Variants in TUSC3 observed in about 807,000 individuals in gnomAD.
TUSC3 encodes the protein dolichyl-diphosphooligosaccharide--protein glycosyltransferase subunit TUSC3.
TUSC3 carries 45 observed loss-of-function variants against 44.8 expected under a neutral mutation model. The observed-to-expected ratio is 1.00, with a 90% CI of 0.79 to 1.29. The LOEUF is 1.29. Ranked by LOEUF, TUSC3 falls within the 50% of genes most tolerant of loss-of-function variation. The probability of loss-of-function intolerance (pLI) is 0.00; values close to 1 mark genes in which losing one functional copy is unlikely to be tolerated. For synonymous variants in TUSC3, 212 were observed against 152.9 expected, an observed-to-expected ratio of 1.39 and a Z score of -2.85; for missense variants, 519 against 437.9, an observed-to-expected ratio of 1.19 and a Z score of -1.65.
upstream of TUSC3, among the ~76,000 whole-genome samples, chr8:15,537,551 C>T (rs973814127): frequency 3.3e-5 from 5 of 152,130 alleles, no homozygotes; most frequent in African/African-American, 1.2e-4. Context: ...CAACCTAAGT[C>T]AGGGAAGGAG....
intron 1 of TUSC3, among the ~76,000 whole-genome samples, chr8:15,572,247 G>A (rs1166253657): frequency 6.6e-6 from 1 of 152,162 alleles, no homozygotes; most frequent in Non-Finnish European, 1.5e-5. Context: ...GCTTCTTGCA[G>A]CATAAACACT....
intron 1 of TUSC3, 76 bp downstream of exon 1, chr8:15,540,644 C>G (rs1377765220): frequency 1.2e-5 from 17 of 1,440,832 alleles, no homozygotes; most frequent in Middle Eastern, 2.1e-4. Flanking sequence ...GCAGCCCTGC[C>G]GTGTTGCTAG....
chr8:15,483,881 T>C (rs372702322), intron 2 of TUSC3, among the ~76,000 whole-genome samples: 2 of 150,866 alleles, frequency 1.3e-5, no homozygotes, highest in South Asian at 2.1e-4. Context: ...GTGGTCTCGA[T>C]CTCCTGACCT....
chr8:15,813,542 G>T, the TUSC3 span, among the ~76,000 whole-genome samples: 1 of 151,932 alleles, frequency 6.6e-6, no homozygotes, highest in Non-Finnish European at 1.5e-5. Flanking sequence ...TGACAGCAAT[G>T]GGAAGATACT....
the TUSC3 span, among the ~76,000 whole-genome samples, chr8:15,802,288 T>A: frequency 6.6e-6 from 1 of 152,248 alleles, no homozygotes; most frequent in African/African-American, 2.4e-5. Context: ...ACATGCCTTC[T>A]TTCTTGTCAA....
chr8:15,748,476 T>C lies in TUSC3; in HGVS notation c.1028+11T>C, dbSNP rs187670751. On this transcript the variant is annotated intron_variant, in intron 9 of 10. Transcript: ENST00000503731. ...CGGCTATCCTTATAGGTAATATCTT[T>C]ATACTAACATGAATGTTTTTATTTT... 2.6e-4 allele frequency: 401 copies of C among 1,560,824 alleles called. 3 individuals are homozygous for C. The East Asian group carries it at 7.5e-3, about 29-fold the overall frequency.
chr8:15,654,445 T>G (rs1481988803), intron 3 of TUSC3, among the ~76,000 whole-genome samples: 1 of 152,150 alleles, frequency 6.6e-6, no homozygotes, highest in Non-Finnish European at 1.5e-5. Context: ...TCACACTTAT[T>G]AGATACATTA....
chr8:15,565,422 A>G (rs1478274263), intron 1 of TUSC3, among the ~76,000 whole-genome samples: 1 of 152,118 alleles, frequency 6.6e-6, no homozygotes, highest in Admixed American at 6.5e-5. Context: ...GTTTCTTGGA[A>G]TTAGAACATG....
At chr8:15,666,722 C>G (rs964935831) in intron 5 of TUSC3, among the ~76,000 whole-genome samples, 2 of 150,874 alleles carry the variant, frequency 1.3e-5, no homozygotes, top group African/African-American at 2.4e-5. Context: ...CAAGTAATTT[C>G]TGATAATATT....
At chr8:15,527,215 CTTAT>C (rs1172378929) in intron 2 of TUSC3, among the ~76,000 whole-genome samples, 4 of 151,848 alleles carry the variant, frequency 2.6e-5, no homozygotes, top group Admixed American at 1.3e-4. Context: ...AGCTTGAATG[CTTAT>C]TTATTTATTT....
At chr8:15,473,016 C>T (rs1052679471) in intron 1 of TUSC3, among the ~76,000 whole-genome samples, 1 of 152,160 alleles carries the variant, frequency 6.6e-6, no homozygotes, top group Non-Finnish European at 1.5e-5. Context: ...GATTCAAAGC[C>T]TAACCCAGAA....
chr8:15,737,093 A>T (rs374961725), intron 7 of TUSC3, among the ~76,000 whole-genome samples: 2 of 152,160 alleles, frequency 1.3e-5, no homozygotes, highest in Non-Finnish European at 1.5e-5. Context: ...ATGAAAGAAT[A>T]TGATTTTATT....
chr8:15,495,427 T>G (rs1800868485), intron 2 of TUSC3, among the ~76,000 whole-genome samples: 1 of 152,152 alleles, frequency 6.6e-6, no homozygotes, highest in African/African-American at 2.4e-5. Context: ...TCAGGTGAGT[T>G]CACATACCCA....
intron 7 of TUSC3, among the ~76,000 whole-genome samples, chr8:15,733,107 T>C (rs1337179842): frequency 2.0e-5 from 3 of 152,154 alleles, no homozygotes; most frequent in Non-Finnish European, 4.4e-5. Context: ...TGGTAAGAGA[T>C]TAATGCTTTC....
chr8:15,494,929 C>G (rs545006625), intron 2 of TUSC3, among the ~76,000 whole-genome samples: 2 of 141,366 alleles, frequency 1.4e-5, no homozygotes, highest in South Asian at 4.4e-4. Flanking sequence ...CATTTTTAAA[C>G]TTTTCTCTTA....
At chr8:15,750,917 ATAGT>A (rs536693629) in intron 9 of TUSC3, among the ~76,000 whole-genome samples, 301 of 152,150 alleles carry the variant, frequency 2.0e-3, no homozygotes, top group African/African-American at 7.0e-3. Flanking sequence ...GAAATTTGAC[ATAGT>A]TTAGATGAAA....
At chr8:15,511,092 C>G (rs1051360616) in intron 2 of TUSC3, among the ~76,000 whole-genome samples, 1 of 152,122 alleles carries the variant, frequency 6.6e-6, no homozygotes, top group Non-Finnish European at 1.5e-5. Flanking sequence ...AGGACACCCC[C>G]CAAAAAACAA....
At chr8:15,545,882 G>A (rs567996835) in intron 1 of TUSC3, among the ~76,000 whole-genome samples, 11 of 151,796 alleles carry the variant, frequency 7.2e-5, no homozygotes, top group South Asian at 2.1e-4. Flanking sequence ...GATCTTCAGC[G>A]TTTATTTGGC....
At chr8:15,586,601 C>G (rs10105706) in intron 1 of TUSC3, among the ~76,000 whole-genome samples, 31 of 152,110 alleles carry the variant, frequency 2.0e-4, no homozygotes, top group African/African-American at 7.5e-4. Flanking sequence ...GAGGTAAATA[C>G]TGTGAATGCA....
Sources: allele counts gnomAD v4.1 joint callset (sites outside exome capture counted in the v4.1 genomes callset), GRCh38; gene constraint gnomAD v4.1.1; transcripts MANE v1.5; gene names NCBI Gene and HGNC (gene_info 2026-07-23, HGNC 2026-07-21).